Variants in CLIC5 observed in about 807,000 individuals in gnomAD.
CLIC5 encodes chloride intracellular channel protein 5.
A neutral mutation model predicts 24.7 loss-of-function variants in CLIC5; 20 were observed. The observed-to-expected ratio is 0.81, with a 90% confidence interval of 0.57 to 1.18. The LOEUF (loss-of-function observed/expected upper bound fraction) is 1.18, where lower values mean the gene tolerates loss of function less well. Ranked by LOEUF, CLIC5 falls within the 50% of genes most tolerant of loss-of-function variation. CLIC5 has a pLI of 0.00. For synonymous variants in CLIC5, 159 were observed against 135.6 expected (o/e 1.17, Z -1.20); for missense variants, 341 against 326.1 (o/e 1.05, Z -0.35).
chr6:46,046,871 G>A (rs1046217816), intron 1 of CLIC5, among the ~76,000 whole-genome samples: 1 of 152,108 alleles, frequency 6.6e-6, no homozygotes, highest in Non-Finnish European at 1.5e-5. Flanking sequence ...TAATAATCAC[G>A]ATGGTGGAAA....
chr6:45,883,555 A>G (rs2127280147), intron 6 of CLIC5, among the ~76,000 whole-genome samples: 1 of 152,306 alleles, frequency 6.6e-6, no homozygotes. Flanking sequence ...CTATTGTTCA[A>G]TCAAGGCACA....
At chr6:45,938,722 A>G (rs1196109961) in intron 4 of CLIC5, among the ~76,000 whole-genome samples, 1 of 152,224 alleles carries the variant, frequency 6.6e-6, no homozygotes, top group Non-Finnish European at 1.5e-5. Flanking sequence ...AACTGTAAAT[A>G]TGGATAATAT....
chr6:46,078,905 A>G (rs1226240673), intron 1 of CLIC5, among the ~76,000 whole-genome samples: 4 of 152,198 alleles, frequency 2.6e-5, no homozygotes, highest in African/African-American at 9.7e-5. Context: ...GTTTATAATC[A>G]TTTTTATTGG....
chr6:46,018,890 G>A (rs1315607043), upstream of CLIC5: 1 of 152,124 alleles, frequency 6.6e-6, no homozygotes, highest in African/African-American at 2.4e-5. Context: ...ATATCTGATA[G>A]CATTTTTAAT....
At chr6:46,003,919 C>T (rs1242390792) in intron 1 of CLIC5, among the ~76,000 whole-genome samples, 3 of 152,116 alleles carry the variant, frequency 2.0e-5, no homozygotes, top group Non-Finnish European at 2.9e-5. Flanking sequence ...ATAGAGCAAC[C>T]CATCATGCAG....
chr6:45,911,015 A>G (rs1762800961), intron 5 of CLIC5, among the ~76,000 whole-genome samples: 1 of 152,232 alleles, frequency 6.6e-6, no homozygotes, highest in Non-Finnish European at 1.5e-5. Context: ...TCTGCTTTAG[A>G]GGCTGGATCC....
chr6:46,095,510 A>G, the CLIC5 span, among the ~76,000 whole-genome samples: 1 of 152,198 alleles, frequency 6.6e-6, no homozygotes, highest in Non-Finnish European at 1.5e-5. Flanking sequence ...CTTCTGCCAG[A>G]TACCCTAAAT....
chr6:46,103,228 C>A, the CLIC5 span, among the ~76,000 whole-genome samples: 1 of 152,202 alleles, frequency 6.6e-6, no homozygotes, highest in African/African-American at 2.4e-5. Context: ...TTATATATAA[C>A]CTTTCCTGTA....
At chr6:46,076,200 T>C (rs1387736239) in intron 1 of CLIC5, among the ~76,000 whole-genome samples, 1 of 152,192 alleles carries the variant, frequency 6.6e-6, no homozygotes. Flanking sequence ...TCTGTGCCTC[T>C]GCACCTCTCC....
At chr6:45,987,456 T>A (rs1765781363) in intron 1 of CLIC5, among the ~76,000 whole-genome samples, 1 of 152,240 alleles carries the variant, frequency 6.6e-6, no homozygotes, top group Admixed American at 6.5e-5. Flanking sequence ...TTTTGTTAGC[T>A]GACAGTCAGG....
At chr6:46,126,942 A>C in the CLIC5 span, among the ~76,000 whole-genome samples, 1 of 152,194 alleles carries the variant, frequency 6.6e-6, no homozygotes, top group Admixed American at 6.5e-5. Context: ...AAATTTTGAA[A>C]ACAGGATAAG....
At chr6:46,052,410 T>G (rs971146427) in intron 1 of CLIC5, among the ~76,000 whole-genome samples, 1 of 152,114 alleles carries the variant, frequency 6.6e-6, no homozygotes, top group African/African-American at 2.4e-5. Context: ...CTTACAACAG[T>G]TAAGAAAATA....
intron 1 of CLIC5, among the ~76,000 whole-genome samples, chr6:46,061,252 C>T (rs909903648): frequency 6.6e-6 from 1 of 152,162 alleles, no homozygotes; most frequent in African/African-American, 2.4e-5. Flanking sequence ...TGCAGTAGTG[C>T]AATCATAGCT....
chr6:46,010,379 A>G (rs1371917750), intron 1 of CLIC5, among the ~76,000 whole-genome samples: 1 of 150,556 alleles, frequency 6.6e-6, no homozygotes, highest in Non-Finnish European at 1.5e-5. Context: ...GGTTAAAACA[A>G]AAAAAAAATC....
intron 3 of CLIC5, among the ~76,000 whole-genome samples, chr6:45,943,023 C>G (rs1764184193): frequency 6.6e-6 from 1 of 152,238 alleles, no homozygotes. Flanking sequence ...TTGCATTGAG[C>G]ACCTACTGTG....
At chr6:45,934,258 T>C (rs1482360409) in intron 4 of CLIC5, 4 of 152,248 alleles carry the variant, frequency 2.6e-5, no homozygotes, top group African/African-American at 9.7e-5. Context: ...TCCTTGTTTT[T>C]CTTTCTCACC....
chr6:46,125,320 G>C, the CLIC5 span, among the ~76,000 whole-genome samples: 1 of 152,002 alleles, frequency 6.6e-6, no homozygotes, highest in Non-Finnish European at 1.5e-5. Flanking sequence ...GCAAACTATC[G>C]CAAGGACAAA....
rs569815097 is a variant in CLIC5, at chr6:46,052,111, G to A, written c.540+27592C>T. 3.6e-5 allele frequency among the ~76,000 whole-genome samples: 5 copies of A among 138,554 alleles called. No homozygotes were observed. In the South Asian group the frequency reaches 7.1e-4, roughly 20 times the overall value. 90.9% of individuals were successfully genotyped at this position (138,554 alleles called of 152,430 possible). On this transcript the variant is annotated intron_variant, in intron 1 of 5. Coordinates refer to the CLIC5 transcript ENST00000185206. ...AGTATATTTCTTGGAACACAAAAAT[G>A]ATGAGATTTCCCTGAAAAAAAAAAA...
At chr6:46,011,544 G>A (rs1295068350) in intron 1 of CLIC5, among the ~76,000 whole-genome samples, 3 of 152,198 alleles carry the variant, frequency 2.0e-5, no homozygotes, top group Non-Finnish European at 1.5e-5. Flanking sequence ...GGATTGAATA[G>A]GTAGTGAAGG....
Sources: allele counts gnomAD v4.1 joint callset (sites outside exome capture counted in the v4.1 genomes callset), GRCh38; gene constraint gnomAD v4.1.1; transcripts MANE v1.5; gene names NCBI Gene and HGNC (gene_info 2026-07-23, HGNC 2026-07-21).